SHISA9: variants seen among roughly 807,000 people sequenced by gnomAD.
The protein encoded by SHISA9 is protein shisa-9.
A neutral mutation model predicts 38.0 loss-of-function variants in SHISA9; 13 were observed. That is an observed-to-expected ratio of 0.34 (90% CI 0.22 to 0.54). The LOEUF (loss-of-function observed/expected upper bound fraction) is 0.54. SHISA9 is among the 20% of genes least tolerant of loss of function. SHISA9 has a pLI of 0.91. For missense variants in SHISA9, 538 were observed against 575.8 expected, an observed-to-expected ratio of 0.93 and a Z score of 0.67; for synonymous variants, 275 against 242.0, an observed-to-expected ratio of 1.14 and a Z score of -1.27.
At chr16:13,203,691 CTA>C (rs1421562353) in intron 3 of SHISA9, 142 bp downstream of exon 3, 1 of 904,622 alleles carries the variant, frequency 1.1e-6, no homozygotes, top group African/African-American at 1.7e-5. Context: ...TTCTCTGCCT[CTA>C]TCTCATTTTT....
chr16:13,492,094 A>G, the SHISA9 span, among the ~76,000 whole-genome samples: 2 of 151,960 alleles, frequency 1.3e-5, no homozygotes, highest in African/African-American at 4.8e-5. Flanking sequence ...CCAAGAAGGA[A>G]GAACAAAGAA....
intron 2 of SHISA9, among the ~76,000 whole-genome samples, chr16:12,959,163 A>G (rs773858267): frequency 1.3e-5 from 2 of 152,108 alleles, no homozygotes; most frequent in African/African-American, 4.8e-5. Context: ...TCAATGCTGT[A>G]TTTTCTGTGC....
the SHISA9 span, among the ~76,000 whole-genome samples, chr16:13,434,377 T>C: frequency 6.7e-6 from 1 of 150,068 alleles, no homozygotes; most frequent in East Asian, 2.0e-4. Flanking sequence ...CCAATCAAAT[T>C]GGCGCTCAAT....
chr16:13,464,778 C>A, the SHISA9 span, among the ~76,000 whole-genome samples: 6 of 152,056 alleles, frequency 3.9e-5, no homozygotes, highest in Non-Finnish European at 8.8e-5. Context: ...GTTAGTAGCC[C>A]TTGGTCCTCA....
At chr16:13,537,919 A>G in the SHISA9 span, among the ~76,000 whole-genome samples, 187 of 152,338 alleles carry the variant, frequency 1.2e-3, 1 homozygote, top group East Asian at 0.03. Context: ...ATAGTAAATT[A>G]TCTTTTGGAC....
chr16:13,333,791 G>A, the SHISA9 span, among the ~76,000 whole-genome samples: 1 of 152,132 alleles, frequency 6.6e-6, no homozygotes, highest in African/African-American at 2.4e-5. Context: ...AAAAGGGAGG[G>A]GGAAGTTGGG....
At chr16:13,105,008 A>G (rs1038361921) in intron 2 of SHISA9, among the ~76,000 whole-genome samples, 4 of 152,184 alleles carry the variant, frequency 2.6e-5, no homozygotes, top group Admixed American at 2.0e-4. Context: ...GGGCGTAAAT[A>G]CTACTTCATA....
chr16:13,211,943 C>A (rs933191251), intron 3 of SHISA9, among the ~76,000 whole-genome samples: 2 of 152,152 alleles, frequency 1.3e-5, no homozygotes, highest in African/African-American at 4.8e-5. Flanking sequence ...ACCGAGTCAT[C>A]CTGGGTGGGC....
chr16:13,105,077 TATA>T (rs2073913421), intron 2 of SHISA9, among the ~76,000 whole-genome samples: 1 of 152,232 alleles, frequency 6.6e-6, no homozygotes, highest in African/African-American at 2.4e-5. Flanking sequence ...GTCAAGGAAA[TATA>T]ATAATAAACA....
intron 2 of SHISA9, among the ~76,000 whole-genome samples, chr16:13,015,985 C>T (rs754089498): frequency 8.6e-5 from 3 of 34,894 alleles, no homozygotes; most frequent in African/African-American, 3.2e-4. Flanking sequence ...CCTTCCCTTC[C>T]CTTCTTTTCT....
chr16:13,084,792 A>C (rs1273041957), intron 2 of SHISA9, among the ~76,000 whole-genome samples: 2 of 152,190 alleles, frequency 1.3e-5, no homozygotes, highest in Non-Finnish European at 2.9e-5. Context: ...CAACAAATGG[A>C]GATATAAAGA....
At chr16:13,451,761 T>G in the SHISA9 span, among the ~76,000 whole-genome samples, 2 of 152,236 alleles carry the variant, frequency 1.3e-5, no homozygotes, top group African/African-American at 4.8e-5. Flanking sequence ...CATAGGCATG[T>G]GACAGATCCT....
At chr16:13,057,841 C>T (rs1274179079) in intron 2 of SHISA9, among the ~76,000 whole-genome samples, 1 of 152,056 alleles carries the variant, frequency 6.6e-6, no homozygotes, top group African/African-American at 2.4e-5. Flanking sequence ...GTGATATTCC[C>T]CTCCCTGTGT....
chr16:13,064,475 AAAT>A (rs1463500580), intron 2 of SHISA9, among the ~76,000 whole-genome samples: 1 of 152,182 alleles, frequency 6.6e-6, no homozygotes, highest in Admixed American at 6.5e-5. Flanking sequence ...ATGAAAAGAA[AAAT>A]AATAATAATA....
chr16:13,409,919 C>G, the SHISA9 span, among the ~76,000 whole-genome samples: 1 of 152,208 alleles, frequency 6.6e-6, no homozygotes, highest in Non-Finnish European at 1.5e-5. Flanking sequence ...GTAAATACAT[C>G]TTCTCTGATC....
rs572642157 is a variant in SHISA9, at chr16:13,224,358, G to A, written c.896-10672G>A. ...CAGACAGGAAAATGGATCCTAGTTC[G>A]CCTGTCTGCGACATAAAAGCACTTA... On this transcript the variant is annotated intron_variant, in intron 4 of 4. Coordinates refer to ENST00000558583, the MANE Select transcript of SHISA9 (RefSeq NM_001145204.3). 3.0e-4 allele frequency among the ~76,000 whole-genome samples: 46 copies of A among 152,212 alleles called. No individual in the cohort carries two copies. In the South Asian group the frequency reaches 4.2e-3, roughly 14 times the overall value.
At chr16:12,962,225 G>A (rs36036493) in intron 2 of SHISA9, among the ~76,000 whole-genome samples, 18,064 of 152,248 alleles carry the variant, frequency 0.12, 1,369 homozygotes, top group African/African-American at 0.22. Flanking sequence ...GAGGCAGGAA[G>A]GGGAAACTGA....
intron 2 of SHISA9, among the ~76,000 whole-genome samples, chr16:12,959,794 C>T (rs1201047852): frequency 6.6e-6 from 1 of 152,232 alleles, no homozygotes; most frequent in Non-Finnish European, 1.5e-5. Flanking sequence ...TCCTGGGGCT[C>T]TTTGCACAGC....
intron 2 of SHISA9, among the ~76,000 whole-genome samples, chr16:13,156,777 A>C (rs1298659208): frequency 6.6e-6 from 1 of 151,884 alleles, no homozygotes; most frequent in Non-Finnish European, 1.5e-5. Flanking sequence ...ACAACTGTGC[A>C]GACCAATAGC....
Sources: allele counts gnomAD v4.1 joint callset (sites outside exome capture counted in the v4.1 genomes callset), GRCh38; gene constraint gnomAD v4.1.1; transcripts MANE v1.5; gene names NCBI Gene and HGNC (gene_info 2026-07-23, HGNC 2026-07-21).